SAMD12: variants seen among roughly 807,000 people sequenced by gnomAD.
SAMD12 encodes the protein sterile alpha motif domain-containing protein 12.
Under a neutral mutation model 15.0 loss-of-function variants are expected in SAMD12, and 9 were observed. The ratio of observed to expected loss-of-function variants is 0.60; its 90% confidence interval spans 0.36 to 1.05. The LOEUF (loss-of-function observed/expected upper bound fraction) is 1.05. Ranked by LOEUF, SAMD12 falls within the 50% of genes least tolerant of loss-of-function variation. The pLI, the probability that SAMD12 is intolerant of heterozygous loss-of-function variation, is 0.01. For missense variants in SAMD12, 230 were observed against 234.2 expected (o/e 0.98, Z 0.12); for synonymous variants, 86 against 90.1 (o/e 0.96, Z 0.25).
At chr8:118,528,028 T>C (rs1192250380) in intron 2 of SAMD12, among the ~76,000 whole-genome samples, 2 of 97,750 alleles carry the variant, frequency 2.0e-5, no homozygotes, top group East Asian at 2.4e-4. Context: ...ATAATATATA[T>C]ATATATTTTT....
At chr8:118,349,694 A>G (rs1817858664) in intron 4 of SAMD12, among the ~76,000 whole-genome samples, 1 of 152,236 alleles carries the variant, frequency 6.6e-6, no homozygotes, top group Admixed American at 6.5e-5. Flanking sequence ...GCCTTTGTTT[A>G]TAGATCCTTC....
At chr8:118,198,511 T>C (rs1819627614) in intron 4 of SAMD12, among the ~76,000 whole-genome samples, 1 of 152,110 alleles carries the variant, frequency 6.6e-6, no homozygotes, top group Non-Finnish European at 1.5e-5. Flanking sequence ...TAGTTTCTAA[T>C]ACACAAAACT....
At chr8:118,591,078 C>G (rs1827575329) in intron 1 of SAMD12, among the ~76,000 whole-genome samples, 1 of 152,106 alleles carries the variant, frequency 6.6e-6, no homozygotes, top group Admixed American at 6.5e-5. Flanking sequence ...ACTTGGAGAA[C>G]AGAAATGTTC....
At chr8:118,613,603 T>C (rs140403079) in intron 1 of SAMD12, among the ~76,000 whole-genome samples, 97 of 152,302 alleles carry the variant, frequency 6.4e-4, no homozygotes, top group African/African-American at 2.0e-3. Context: ...GGTCCTAATA[T>C]TTCTCTTTAA....
In SAMD12 at chr8:118,318,350, A is replaced by G. The variant is rs927698580; in HGVS notation, c.433+61210T>C. ...TATATATATATATATATATATATAT[A>G]TATATACATATATACCATGGAACAC... On this transcript the variant is annotated intron_variant, in intron 4 of 4. Transcript: ENST00000409003. 7.0e-5 allele frequency among the ~76,000 whole-genome samples: 7 copies of G among 100,042 alleles called. 1 individual carries two copies. Among genetic ancestry groups the G allele is most frequent in the East Asian group, 2.5e-4 (1 of 4,068 alleles). 65.6% of individuals were successfully genotyped at this position (100,042 alleles called of 152,430 possible). A position where few individuals can be genotyped will look rare whatever the true frequency, so the allele number is the denominator to read the frequency against.
At chr8:118,429,990 T>C (rs1029691719) in intron 3 of SAMD12, among the ~76,000 whole-genome samples, 25 of 152,232 alleles carry the variant, frequency 1.6e-4, no homozygotes, top group African/African-American at 6.0e-4. Flanking sequence ...TTTAGGATGA[T>C]GTTACCTGTA....
At chr8:118,482,239 A>G (rs1824146895) in intron 2 of SAMD12, among the ~76,000 whole-genome samples, 2 of 152,228 alleles carry the variant, frequency 1.3e-5, no homozygotes, top group African/African-American at 4.8e-5. Context: ...GATGACACTT[A>G]CCTTCCCCAA....
chr8:118,204,095 A>G (rs1215449353), intron 4 of SAMD12, among the ~76,000 whole-genome samples: 3 of 152,108 alleles, frequency 2.0e-5, no homozygotes, highest in Non-Finnish European at 4.4e-5. Context: ...GTGATTTTAT[A>G]TTCAATGCAA....
At chr8:118,517,094 C>T (rs1182173447) in intron 2 of SAMD12, among the ~76,000 whole-genome samples, 1 of 152,154 alleles carries the variant, frequency 6.6e-6, no homozygotes, top group East Asian at 1.9e-4. Flanking sequence ...GTAAGTAGCC[C>T]TCCCTACAAA....
chr8:118,229,312 T>G (rs778987014), intron 4 of SAMD12, among the ~76,000 whole-genome samples: 7 of 151,432 alleles, frequency 4.6e-5, no homozygotes, highest in Non-Finnish European at 1.0e-4. Flanking sequence ...TAAAAATATA[T>G]AAATAAATAA....
chr8:118,139,023 G>T, the SAMD12 span, among the ~76,000 whole-genome samples: 2 of 152,154 alleles, frequency 1.3e-5, no homozygotes, highest in Non-Finnish European at 2.9e-5. Context: ...AGGAGACTGA[G>T]AATATAATTT....
chr8:118,477,354 T>C (rs944535145), intron 2 of SAMD12, among the ~76,000 whole-genome samples: 3 of 151,992 alleles, frequency 2.0e-5, no homozygotes, highest in African/African-American at 7.2e-5. Context: ...GCAAGAGCCA[T>C]TGCGCTCGAC....
intron 1 of SAMD12, among the ~76,000 whole-genome samples, chr8:118,599,391 G>A (rs934734704): frequency 4.6e-5 from 7 of 152,086 alleles, no homozygotes; most frequent in East Asian, 1.9e-4. Flanking sequence ...ATTCTCTCAC[G>A]TGCTCCGAGA....
At chr8:118,415,355 C>G (rs4876414) in intron 3 of SAMD12, among the ~76,000 whole-genome samples, 89,626 of 151,846 alleles carry the variant, frequency 0.59, 26,695 homozygotes, top group Admixed American at 0.68. Flanking sequence ...AACCACACCA[C>G]CATGCGAACC....
the SAMD12 span, among the ~76,000 whole-genome samples, chr8:118,142,561 A>G: frequency 6.6e-6 from 1 of 152,208 alleles, no homozygotes; most frequent in African/African-American, 2.4e-5. Flanking sequence ...GGTGAACTGG[A>G]AACCTCAGAT....
chr8:118,142,625 C>T, the SAMD12 span, among the ~76,000 whole-genome samples: 3 of 152,210 alleles, frequency 2.0e-5, no homozygotes, highest in Admixed American at 6.5e-5. Context: ...CTGCTATCTG[C>T]TTCTATAACA....
intron 2 of SAMD12, among the ~76,000 whole-genome samples, chr8:118,556,342 T>A (rs1826529138): frequency 6.6e-6 from 1 of 152,236 alleles, no homozygotes; most frequent in Non-Finnish European, 1.5e-5. Flanking sequence ...CTAGAATTGC[T>A]AATATGGCCA....
chr8:118,573,640 C>CT, intron 2 of SAMD12, among the ~76,000 whole-genome samples: 1 of 152,260 alleles, frequency 6.6e-6, no homozygotes, highest in Non-Finnish European at 1.5e-5. Flanking sequence ...GGAAGTATCC[C>CT]TTGTCCATTG....
chr8:118,583,544 C>G (rs945101111), intron 1 of SAMD12, among the ~76,000 whole-genome samples: 10 of 152,014 alleles, frequency 6.6e-5, no homozygotes, highest in African/African-American at 2.4e-4. Context: ...CTAGGAATAC[C>G]ACTGAACTGC....
Sources: gnomAD v4.1 joint callset for allele counts (sites outside exome capture counted in the v4.1 genomes callset) on GRCh38, gnomAD v4.1.1 for gene constraint, MANE v1.5 for transcripts, NCBI Gene and HGNC (gene_info 2026-07-23, HGNC 2026-07-21) for gene names.